RANBP2: variants seen among roughly 807,000 people sequenced by gnomAD.
RANBP2 encodes RAN binding protein 2, also known as E3 SUMO-protein ligase RanBP2.
A neutral mutation model predicts 303.6 loss-of-function variants in RANBP2; 57 were observed. The ratio of observed to expected loss-of-function variants is 0.19; its 90% CI spans 0.15 to 0.23. The LOEUF is 0.23. Among genes scored for constraint, RANBP2 ranks in the 10% least tolerant of loss-of-function variants. RANBP2 has a pLI of 1.00. For synonymous variants in RANBP2, 1,167 were observed against 1,301.5 expected (o/e 0.90, Z 2.23); for missense variants, 3,138 against 3,780.8 (o/e 0.83, Z 4.46).
the RANBP2 span, chr2:108,804,888 G>C: frequency 6.5e-7 from 1 of 1,533,730 alleles, no homozygotes; most frequent in Non-Finnish European, 8.7e-7. Context: ...TCTCCTCCTA[G>C]CAGCATGATG....
chr2:109,380,261 T>C, the RANBP2 span, among the ~76,000 whole-genome samples: 11 of 152,334 alleles, frequency 7.2e-5, no homozygotes, highest in African/African-American at 2.2e-4. Flanking sequence ...TAACATCTTA[T>C]AATAGAATAT....
the RANBP2 span, among the ~76,000 whole-genome samples, chr2:109,664,386 A>G: frequency 6.6e-6 from 1 of 151,870 alleles, no homozygotes; most frequent in African/African-American, 2.4e-5. Context: ...CGGGCGGATC[A>G]TGAGGTCAGG....
chr2:109,721,064 G>A, the RANBP2 span, among the ~76,000 whole-genome samples: 1 of 152,224 alleles, frequency 6.6e-6, no homozygotes, highest in Non-Finnish European at 1.5e-5. Context: ...TGATCAGGAT[G>A]TGAGCTGCCC....
the RANBP2 span, among the ~76,000 whole-genome samples, chr2:109,086,937 C>CTA: frequency 6.6e-6 from 1 of 152,212 alleles, no homozygotes. Context: ...AGGGGCGATA[C>CTA]TAAGCTCCCG....
At chr2:109,494,425 T>G in the RANBP2 span, among the ~76,000 whole-genome samples, 22 of 152,142 alleles carry the variant, frequency 1.4e-4, no homozygotes, top group African/African-American at 4.8e-4. Flanking sequence ...ACAGGCTGCC[T>G]GGTATCCTGG....
chr2:109,614,314 T>C, the RANBP2 span: 7 of 601,388 alleles, frequency 1.2e-5, no homozygotes, highest in Non-Finnish European at 1.4e-5. Flanking sequence ...GCGGGGGGCG[T>C]GTCCGCCCGG....
At chr2:109,615,368 G>C in the RANBP2 span, 2 of 1,612,998 alleles carry the variant, frequency 1.2e-6, no homozygotes, top group Non-Finnish European at 1.7e-6. Context: ...AGCCCGGCCT[G>C]CTGGTCAAGC....
In RANBP2 at chr2:108,730,836, T is replaced by G. The variant is rs764536763; in HGVS notation, c.203T>G (p.Leu68Arg). Residue 68 changes from leucine (L) to arginine (R), a missense_variant, in exon 3 of 29, where the codon CTT becomes CGT. By Grantham distance (102) the Leu-to-Arg change is moderately radical. Transcript: ENST00000283195. ...CCCAAAGCTCACAGATTTCTGGGTC[T>G]TCTTTATGAATTGGAAGAAAACACA... ...RDPKAHRFLG[L>R]LYELEENTDK... 7 of 1,611,600 alleles carry G rather than the reference T, an allele frequency of 4.3e-6. No individual in the cohort carries two copies. Among genetic ancestry groups the G allele is most frequent in the African/African-American group, 4.0e-5 (3 of 74,862 alleles).
the RANBP2 span, among the ~76,000 whole-genome samples, chr2:109,055,586 A>G: frequency 4.0e-5 from 6 of 150,322 alleles, no homozygotes; most frequent in Non-Finnish European, 8.9e-5. Flanking sequence ...GGGTTTCACC[A>G]TATTGGCCAG....
At chr2:108,838,026 G>A in the RANBP2 span, among the ~76,000 whole-genome samples, 3 of 152,016 alleles carry the variant, frequency 2.0e-5, no homozygotes, top group Non-Finnish European at 4.4e-5. Flanking sequence ...CCACATGAAA[G>A]GCAATGCAGG....
chr2:108,762,116 C>T lies in RANBP2; in HGVS notation c.2618C>T (p.Pro873Leu), dbSNP rs755777927. The change falls in exon 19 of 29, where the codon CCT becomes CTT. Residue 873 changes from proline (P) to leucine (L), a missense_variant. Coordinates refer to ENST00000283195, the MANE Select transcript of RANBP2 (RefSeq NM_006267.5). ...GAPLTVATTG[P>L]SVYYSQSPAY... is the part of the protein sequence containing the mutation. ...GTTTTTTTAGTTGCAACTACTGGCC[C>T]TTCAGTATATTATAGTCAGTCACCA... 1 of 1,595,966 alleles carries T rather than the reference C, an allele frequency of 6.3e-7. No homozygotes were observed. Among genetic ancestry groups the T allele is most frequent in the African/African-American group, 1.3e-5 (1 of 74,566 alleles).
the RANBP2 span, among the ~76,000 whole-genome samples, chr2:108,838,801 A>G: frequency 6.6e-6 from 1 of 152,090 alleles, no homozygotes; most frequent in Non-Finnish European, 1.5e-5. Context: ...TGAGATTTTT[A>G]TTCCATTTGC....
At chr2:109,303,202 G>A in the RANBP2 span, among the ~76,000 whole-genome samples, 2 of 152,192 alleles carry the variant, frequency 1.3e-5, no homozygotes, top group South Asian at 2.1e-4. Flanking sequence ...AAACTCCACT[G>A]TAGCCAAAGA....
chr2:108,908,301 G>A, the RANBP2 span, among the ~76,000 whole-genome samples: 1,541 of 152,236 alleles, frequency 0.01, 26 homozygotes, highest in African/African-American at 0.035. Context: ...AGGCATCCAC[G>A]GGCCTCTCCT....
At chr2:109,653,951 G>C in the RANBP2 span, among the ~76,000 whole-genome samples, 1 of 152,126 alleles carries the variant, frequency 6.6e-6, no homozygotes, top group East Asian at 1.9e-4. Context: ...TCCAGGAACA[G>C]ACCTGGGAGG....
chr2:109,030,046 T>C, the RANBP2 span, among the ~76,000 whole-genome samples: 116 of 152,378 alleles, frequency 7.6e-4, no homozygotes, highest in African/African-American at 2.7e-3. Flanking sequence ...GTCTTAGATT[T>C]ACTGCCTCCT....
At chr2:109,057,545 C>T in the RANBP2 span, among the ~76,000 whole-genome samples, 2 of 152,206 alleles carry the variant, frequency 1.3e-5, no homozygotes, top group African/African-American at 4.8e-5. Flanking sequence ...CTCTGTCTTT[C>T]TCATGGAACT....
chr2:109,327,604 G>C, the RANBP2 span, among the ~76,000 whole-genome samples: 1 of 152,152 alleles, frequency 6.6e-6, no homozygotes, highest in Non-Finnish European at 1.5e-5. Flanking sequence ...TCTTACTCAA[G>C]AACATCATAT....
At chr2:109,546,981 C>T in the RANBP2 span, among the ~76,000 whole-genome samples, 6 of 152,286 alleles carry the variant, frequency 3.9e-5, 1 homozygote, top group African/African-American at 1.4e-4. Flanking sequence ...GCAGCAGATA[C>T]AGGAAAGCTC....
Sources: gnomAD v4.1 joint callset for allele counts (sites outside exome capture counted in the v4.1 genomes callset) on GRCh38, gnomAD v4.1.1 for gene constraint, MANE v1.5 for transcripts, NCBI Gene and HGNC (gene_info 2026-07-23, HGNC 2026-07-21) for gene names.